Variants in CELF2 observed in about 807,000 individuals in gnomAD.
CELF2 encodes the protein CUGBP Elav-like family member 2, also known as CUG triplet repeat RNA-binding protein 2.
Under a neutral mutation model 62.6 loss-of-function variants are expected in CELF2, and 8 were observed. The observed-to-expected ratio is 0.13, with a 90% confidence interval of 0.07 to 0.23. CELF2 has a LOEUF of 0.23. Ranked by LOEUF, CELF2 falls within the 10% of genes least tolerant of loss-of-function variation. The pLI is 1.00. For synonymous variants in CELF2, 258 were observed against 250.0 expected (o/e 1.03, Z -0.30); for missense variants, 333 against 671.0 (o/e 0.50, Z 5.56).
At position 11,295,400 on chromosome 10, in the gene CELF2, C is replaced by CT. The variant is rs2093049088; in HGVS notation, c.976+6851dup. On this transcript the variant is annotated intron_variant, in intron 9 of 12. Coordinates refer to ENST00000633077, the MANE Select transcript of CELF2 (RefSeq NM_001326342.2). ...CCATGGTAAAAACAATTTGAATAGC[C>CT]TTTAAGTATAAATTGTAACTTCTAC... is the stretch of plus-strand genomic sequence containing the variant. 1.3e-5 allele frequency among the ~76,000 whole-genome samples: 2 copies of CT among 152,318 alleles called. 1 individual carries two copies. Among genetic ancestry groups the CT allele is most frequent in the African/African-American group, 4.8e-5 (2 of 41,566 alleles).
intron 1 of CELF2, among the ~76,000 whole-genome samples, chr10:10,828,000 T>TA (rs66721705): frequency 0.24 from 14,268 of 60,522 alleles, 2,227 homozygotes; most frequent in East Asian, 0.5. Context: ...AGGCTAGTCT[T>TA]AAAAAAAAAA....
intron 1 of CELF2, among the ~76,000 whole-genome samples, chr10:10,899,901 C>T (rs537384436): frequency 1.3e-5 from 2 of 152,294 alleles, no homozygotes; most frequent in East Asian, 3.9e-4. Flanking sequence ...GCTCTACCTC[C>T]AGCATTGGGG....
chr10:10,521,966 T>G, the CELF2 span, among the ~76,000 whole-genome samples: 1 of 152,150 alleles, frequency 6.6e-6, no homozygotes, highest in African/African-American at 2.4e-5. Flanking sequence ...GCTCTGCTGG[T>G]CCACACCTGG....
At chr10:10,979,672 CAAA>C (rs35482385) in intron 2 of CELF2, among the ~76,000 whole-genome samples, 1,746 of 68,902 alleles carry the variant, frequency 0.025, 27 homozygotes, top group African/African-American at 0.076. Flanking sequence ...CCTTGTCTCT[CAAA>C]AAAAAAAAAA....
chr10:10,695,768 T>G, the CELF2 span, among the ~76,000 whole-genome samples: 71 of 152,162 alleles, frequency 4.7e-4, no homozygotes, highest in South Asian at 4.1e-4. Flanking sequence ...CTTCTTCCAT[T>G]GCTGATACCC....
At chr10:10,680,972 A>C in the CELF2 span, among the ~76,000 whole-genome samples, 1 of 152,208 alleles carries the variant, frequency 6.6e-6, no homozygotes, top group Non-Finnish European at 1.5e-5. Flanking sequence ...TTTTAGTTTC[A>C]TGTAAATTCC....
chr10:11,215,078 G>A (rs749108806), intron 2 of CELF2, among the ~76,000 whole-genome samples: 30 of 152,178 alleles, frequency 2.0e-4, no homozygotes, highest in Non-Finnish European at 3.5e-4. Context: ...CTTTAAAGTA[G>A]CTAAAATCAC....
the CELF2 span, among the ~76,000 whole-genome samples, chr10:10,515,276 G>A: frequency 6.6e-6 from 1 of 152,150 alleles, no homozygotes; most frequent in African/African-American, 2.4e-5. Context: ...GACACTAGCT[G>A]TGTAAACTCA....
At chr10:11,086,659 A>G (rs1408330864) in intron 1 of CELF2, among the ~76,000 whole-genome samples, 1 of 149,702 alleles carries the variant, frequency 6.7e-6, no homozygotes, top group Admixed American at 6.7e-5. Context: ...AGCCTGAGCA[A>G]TAAATCTCTC....
chr10:11,274,638 G>A (rs577023167), intron 7 of CELF2, among the ~76,000 whole-genome samples: 63 of 152,276 alleles, frequency 4.1e-4, no homozygotes, highest in African/African-American at 1.5e-3. Flanking sequence ...CAGAGTCAGT[G>A]AACCAATGTG....
chr10:11,241,202 T>C (rs974058010), intron 3 of CELF2, among the ~76,000 whole-genome samples: 87 of 152,158 alleles, frequency 5.7e-4, no homozygotes, highest in African/African-American at 2.0e-3. Flanking sequence ...TAAAAACTGC[T>C]TGTTATTTAT....
Position 11,005,581 on chromosome 10 carries a change from G to A in CELF2, c.53+141G>A. 2 of 1,306,432 alleles carry A rather than the reference G, an allele frequency of 1.5e-6. No individual in the cohort carries two copies. The highest frequency in any genetic ancestry group is 2.2e-6 in the Non-Finnish European group (2 of 927,990). 80.9% of individuals were successfully genotyped at this position (1,306,432 alleles called of 1,614,324 possible). A position where few individuals can be genotyped will look rare whatever the true frequency, so the allele number is the denominator to read the frequency against. On this transcript the variant is annotated intron_variant, in intron 1 of 12. Coordinates refer to the CELF2 transcript ENST00000416382. The surrounding 1 kb of genome is among the most constrained non-coding windows in gnomAD (Gnocchi z 4.3). ...AAAAGAATCTAAAGAGGAAGAGGGAGATGAAATCGAGACCCAGAGATTGGG... is the reference window on the plus strand; with the variant it reads ...AAAAGAATCTAAAGAGGAAGAGGGAAATGAAATCGAGACCCAGAGATTGGG...
chr10:10,715,469 T>C, the CELF2 span, among the ~76,000 whole-genome samples: 1 of 152,250 alleles, frequency 6.6e-6, no homozygotes, highest in Non-Finnish European at 1.5e-5. Flanking sequence ...TATTCTTTGA[T>C]GAGAGCATCT....
intron 1 of CELF2, among the ~76,000 whole-genome samples, chr10:10,813,645 C>T (rs1289691885): frequency 6.6e-6 from 1 of 152,202 alleles, no homozygotes; most frequent in East Asian, 1.9e-4. Context: ...ATGCTTTTCC[C>T]CTTCTCCATG....
chr10:11,066,054 G>T (rs938620155), intron 1 of CELF2, among the ~76,000 whole-genome samples: 4 of 152,170 alleles, frequency 2.6e-5, no homozygotes, highest in African/African-American at 9.7e-5. Flanking sequence ...TGTGGCTGCT[G>T]AGAGGGCGTA....
the CELF2 span, among the ~76,000 whole-genome samples, chr10:10,685,027 C>T: frequency 6.6e-6 from 1 of 152,018 alleles, no homozygotes; most frequent in Non-Finnish European, 1.5e-5. Flanking sequence ...CCACCGGAGA[C>T]CAAAATGTCA....
the CELF2 span, among the ~76,000 whole-genome samples, chr10:10,700,518 GC>G: frequency 1.3e-5 from 2 of 152,088 alleles, no homozygotes; most frequent in Non-Finnish European, 2.9e-5. Context: ...TCTGGGAGAG[GC>G]CCCATACCTG....
At chr10:11,252,844 C>T (rs1325600608) in intron 4 of CELF2, among the ~76,000 whole-genome samples, 1 of 152,184 alleles carries the variant, frequency 6.6e-6, no homozygotes, top group Non-Finnish European at 1.5e-5. Context: ...GTAAACCACC[C>T]ACCTTCCAAC....
At chr10:11,273,160 C>G (rs1284379734) in intron 7 of CELF2, among the ~76,000 whole-genome samples, 1 of 151,962 alleles carries the variant, frequency 6.6e-6, no homozygotes, top group Non-Finnish European at 1.5e-5. Context: ...GTGTGAAGTC[C>G]CATAATACCG....
Sources: allele counts gnomAD v4.1 joint callset (sites outside exome capture counted in the v4.1 genomes callset), GRCh38; gene constraint gnomAD v4.1.1; non-coding constraint Gnocchi (gnomAD v3.1); transcripts MANE v1.5; gene names NCBI Gene and HGNC (gene_info 2026-07-23, HGNC 2026-07-21).